RIMS1: variants seen among roughly 807,000 people sequenced by gnomAD.
RIMS1 encodes regulating synaptic membrane exocytosis 1, also known as regulating synaptic membrane exocytosis protein 1.
Under a neutral mutation model 214.1 loss-of-function variants are expected in RIMS1, and 83 were observed. The ratio of observed to expected loss-of-function variants is 0.39; its 90% CI spans 0.32 to 0.47. The LOEUF (loss-of-function observed/expected upper bound fraction) is 0.47, where lower values mean the gene tolerates loss of function less well. Ranked by LOEUF, RIMS1 falls within the 20% of genes least tolerant of loss-of-function variation. The probability of loss-of-function intolerance (pLI) is 0.99; values close to 1 mark genes in which losing one functional copy is unlikely to be tolerated. For missense variants in RIMS1, 2,050 were observed against 2,161.8 expected (o/e 0.95, Z 1.03); for synonymous variants, 793 against 786.8 (o/e 1.01, Z -0.13).
intron 1 of RIMS1, among the ~76,000 whole-genome samples, chr6:71,964,395 GA>G (rs1247962795): frequency 6.6e-6 from 1 of 152,126 alleles, no homozygotes; most frequent in Non-Finnish European, 1.5e-5. Context: ...GTTGTGTTGA[GA>G]ATAGACTCCA....
intron 2 of RIMS1, among the ~76,000 whole-genome samples, chr6:72,053,663 CTATTT>C (rs1012532476): frequency 1.3e-5 from 2 of 152,046 alleles, no homozygotes; most frequent in Non-Finnish European, 2.9e-5. Flanking sequence ...GAAATGAAAC[CTATTT>C]TAATGGCTGG....
chr6:72,006,106 A>T (rs1171167023), intron 2 of RIMS1, among the ~76,000 whole-genome samples: 14 of 152,268 alleles, frequency 9.2e-5, no homozygotes, highest in Non-Finnish European at 2.9e-5. Context: ...GGTGGAGAGC[A>T]GAGAGCGGAA....
chr6:72,000,098 G>GA (rs369828281), intron 2 of RIMS1, among the ~76,000 whole-genome samples: 8 of 151,320 alleles, frequency 5.3e-5, no homozygotes, highest in South Asian at 2.1e-4. Context: ...TCAAATGAGG[G>GA]AAAAAAAACA....
At chr6:72,111,225 T>C (rs945089752) in intron 4 of RIMS1, among the ~76,000 whole-genome samples, 1 of 152,190 alleles carries the variant, frequency 6.6e-6, no homozygotes, top group Admixed American at 6.5e-5. Context: ...CTCAGCTACC[T>C]ACTTTGACCT....
intron 29 of RIMS1, among the ~76,000 whole-genome samples, chr6:72,383,888 A>G (rs2098540494): frequency 6.6e-6 from 1 of 152,112 alleles, no homozygotes; most frequent in Non-Finnish European, 1.5e-5. Context: ...TAAAAAAAAT[A>G]TATTATTTCA....
intron 29 of RIMS1, among the ~76,000 whole-genome samples, chr6:72,341,401 G>T (rs1385612817): frequency 6.6e-6 from 1 of 151,732 alleles, no homozygotes; most frequent in South Asian, 2.1e-4. Context: ...AATTCCAGTG[G>T]TTACCTCATC....
chr6:72,111,274 C>T (rs2036029156), intron 4 of RIMS1, among the ~76,000 whole-genome samples: 1 of 152,064 alleles, frequency 6.6e-6, no homozygotes, highest in Non-Finnish European at 1.5e-5. Flanking sequence ...ATTTTCTGTA[C>T]CTACCTTCTC....
intron 1 of RIMS1, among the ~76,000 whole-genome samples, chr6:71,919,683 G>A (rs527256974): frequency 2.0e-5 from 3 of 152,222 alleles, no homozygotes; most frequent in South Asian, 4.2e-4. Flanking sequence ...GGAGAATGAC[G>A]TGGAGTAGCC....
At chr6:72,200,722 G>A (rs1339477454) in intron 6 of RIMS1, among the ~76,000 whole-genome samples, 1 of 152,090 alleles carries the variant, frequency 6.6e-6, no homozygotes, top group African/African-American at 2.4e-5. Flanking sequence ...ATGACTTGGG[G>A]CATTAGATGC....
intron 2 of RIMS1, among the ~76,000 whole-genome samples, chr6:72,038,130 T>TAA (rs1820438232): frequency 1.0e-5 from 1 of 95,664 alleles, no homozygotes; most frequent in Non-Finnish European, 2.0e-5. Flanking sequence ...TATATATATA[T>TAA]ATATATATAT....
intron 2 of RIMS1, among the ~76,000 whole-genome samples, chr6:72,083,329 T>C (rs1833870283): frequency 6.6e-6 from 1 of 152,078 alleles, no homozygotes; most frequent in African/African-American, 2.4e-5. Flanking sequence ...GAATCTCCTT[T>C]CTTTTTTTTT....
At chr6:72,285,589 G>A (rs1453857286) in intron 24 of RIMS1, among the ~76,000 whole-genome samples, 1 of 152,162 alleles carries the variant, frequency 6.6e-6, no homozygotes, top group African/African-American at 2.4e-5. Flanking sequence ...AATGGAATAA[G>A]GATACAGGGG....
chr6:72,385,530 T>C (rs1479997003), intron 29 of RIMS1, among the ~76,000 whole-genome samples: 1 of 152,248 alleles, frequency 6.6e-6, no homozygotes, highest in Non-Finnish European at 1.5e-5. Context: ...TAAAATGTTG[T>C]ATAATGGAAT....
chr6:72,117,415 G>T (rs912908944), intron 4 of RIMS1, among the ~76,000 whole-genome samples: 3 of 151,796 alleles, frequency 2.0e-5, no homozygotes, highest in African/African-American at 7.3e-5. Flanking sequence ...TAAGTCTATT[G>T]TTTCTTTGTT....
At chr6:72,261,224 T>A (rs1258163124) in intron 19 of RIMS1, 2 of 1,004,604 alleles carry the variant, frequency 2.0e-6, no homozygotes, top group Non-Finnish European at 2.4e-6. Context: ...TTATATTCTG[T>A]TTGCTTTTGA....
At chr6:72,131,632 C>T (rs2040456370) in intron 4 of RIMS1, among the ~76,000 whole-genome samples, 1 of 152,152 alleles carries the variant, frequency 6.6e-6, no homozygotes, top group Admixed American at 6.5e-5. Context: ...CACAGGACCA[C>T]AGGACTGGGG....
At chr6:72,370,959 C>G (rs2154401325) in intron 29 of RIMS1, among the ~76,000 whole-genome samples, 1 of 152,080 alleles carries the variant, frequency 6.6e-6, no homozygotes, top group South Asian at 2.1e-4. Context: ...ATTTGTCTTC[C>G]CATGAAAGTT....
intron 2 of RIMS1, among the ~76,000 whole-genome samples, chr6:71,981,607 G>A (rs762520949): frequency 6.6e-6 from 1 of 152,076 alleles, no homozygotes. Flanking sequence ...GTACAAAATT[G>A]CCATTGGTAA....
intron 2 of RIMS1, among the ~76,000 whole-genome samples, chr6:72,000,576 A>G (rs1562071175): frequency 6.6e-6 from 1 of 152,068 alleles, no homozygotes; most frequent in Non-Finnish European, 1.5e-5. Context: ...CATCTACCCC[A>G]CTTCTACTGC....
Sources: gnomAD v4.1 joint callset for allele counts (sites outside exome capture counted in the v4.1 genomes callset) on GRCh38, gnomAD v4.1.1 for gene constraint, MANE v1.5 for transcripts, NCBI Gene and HGNC (gene_info 2026-07-23, HGNC 2026-07-21) for gene names.